The following DENR variants were observed in gnomAD, a reference collection of about 807,000 sequenced individuals.
The protein encoded by DENR is density-regulated protein.
In DENR, 6 loss-of-function variants were observed where a neutral mutation model predicts 30.6. The observed-to-expected ratio is 0.20, with a 90% CI of 0.11 to 0.39. DENR has a LOEUF of 0.39. DENR is among the 10% of genes least tolerant of loss of function. DENR has a pLI of 1.00. For missense variants in DENR, 141 were observed against 230.9 expected, an observed-to-expected ratio of 0.61 and a Z score of 2.52; for synonymous variants, 78 against 72.1, an observed-to-expected ratio of 1.08 and a Z score of -0.41.
At chr12:122,759,854 T>TTTGA (rs1320095856) in intron 2 of DENR, among the ~76,000 whole-genome samples, 1 of 152,188 alleles carries the variant, frequency 6.6e-6, no homozygotes, top group Non-Finnish European at 1.5e-5. Context: ...ATGCCTAGTA[T>TTTGA]TTGAACTTGA....
chr12:122,762,100 C>A, intron 2 of DENR, 87 bp from the exon 3 acceptor site: 1 of 874,462 alleles, frequency 1.1e-6, no homozygotes, highest in Non-Finnish European at 1.7e-6. Context: ...GAAGCATTTT[C>A]TCAAATATAA....
At chr12:122,756,578 AGGAAAGGTT>A in intron 2 of DENR, among the ~76,000 whole-genome samples, 1 of 152,360 alleles carries the variant, frequency 6.6e-6, no homozygotes, top group Admixed American at 6.5e-5. Context: ...GGGGATTTGA[AGGAAAGGTT>A]GCATTCAGGC....
chr12:122,757,706 C>T (rs180782297), intron 2 of DENR, among the ~76,000 whole-genome samples: 7 of 152,146 alleles, frequency 4.6e-5, no homozygotes, highest in African/African-American at 1.7e-4. Flanking sequence ...TGTGGTTGGA[C>T]CATGGGCTGG....
chr12:122,769,208 A>G lies in DENR; in HGVS notation c.*130A>G, dbSNP rs1427050989. On this transcript the variant is annotated 3_prime_UTR_variant, in exon 8 of 8. Transcript: ENST00000280557. ...TATACACATATATGTATGTATACAC[A>G]TATACACATGTATATATACATGTGT... The G allele has an allele frequency of 5.5e-6, 5 of 908,524 alleles. No individual in the cohort carries two copies. In the African/African-American group the frequency reaches 8.0e-5, roughly 14 times the overall value. The allele number at this position is 908,524 out of a possible 1,614,324, so 56.3% of individuals were successfully genotyped here.
At chr12:122,765,424 T>A in intron 5 of DENR, 37 bp downstream of exon 5, 2 of 1,484,668 alleles carry the variant, frequency 1.3e-6, no homozygotes, top group Non-Finnish European at 1.8e-6. Context: ...TGTACAGTCA[T>A]ACCGTCACTG....
intron 5 of DENR, among the ~76,000 whole-genome samples, 179 bp downstream of exon 5, chr12:122,765,566 A>G (rs987328228): frequency 1.3e-5 from 2 of 152,156 alleles, no homozygotes; most frequent in Non-Finnish European, 2.9e-5. Flanking sequence ...GTAGTATGCA[A>G]TGATCGTTCC....
intron 6 of DENR, chr12:122,768,164 C>T (rs557670791): frequency 6.5e-6 from 1 of 152,694 alleles, no homozygotes; most frequent in African/African-American, 2.4e-5. Context: ...TTCTTTGTTC[C>T]TTCTTTACTC....
intron 5 of DENR, among the ~76,000 whole-genome samples, chr12:122,766,948 T>C (rs1878867137): frequency 6.6e-6 from 1 of 152,212 alleles, no homozygotes; most frequent in Non-Finnish European, 1.5e-5. Flanking sequence ...TACATATTCA[T>C]AAGCATCCTT....
intron 2 of DENR, among the ~76,000 whole-genome samples, chr12:122,754,856 G>A (rs191349058): frequency 3.3e-5 from 5 of 152,314 alleles, no homozygotes; most frequent in East Asian, 1.9e-4. Context: ...GTGCCTTGCT[G>A]AGAGTGTAAG....
At chr12:122,766,119 G>A (rs1159951867) in intron 5 of DENR, among the ~76,000 whole-genome samples, 1 of 151,078 alleles carries the variant, frequency 6.6e-6, no homozygotes, top group Non-Finnish European at 1.5e-5. Context: ...CCCTTAGCCA[G>A]ATTTCTTTAC....
rs749844419 is a variant in DENR, at chr12:122,768,771, T to A, written c.413-11T>A. 10 of 1,531,712 alleles carry A rather than the reference T, an allele frequency of 6.5e-6. No homozygotes were observed. The East Asian group carries it at 7.3e-5, about 11-fold the overall frequency. The allele number at this position is 1,531,712 out of a possible 1,614,324, so 94.9% of individuals were successfully genotyped here. A position where few individuals can be genotyped will look rare whatever the true frequency, so the allele number is the denominator to read the frequency against. ...TTACAGTTCTTGCTCTTTCTTTTTT[T>A]AAAAAAATAGAAATTGATCTTAAAG... On this transcript the variant is annotated splice_polypyrimidine_tract_variant and intron_variant, in intron 6 of 7. Transcript: ENST00000280557.
intron 2 of DENR, among the ~76,000 whole-genome samples, chr12:122,761,488 T>G (rs1458159601): frequency 6.6e-6 from 1 of 151,946 alleles, no homozygotes; most frequent in Non-Finnish European, 1.5e-5. Flanking sequence ...TGTGTCAGTA[T>G]GAATAAAAAG....
rs1480652748 is a variant in DENR, at chr12:122,765,279, T to C, written c.212-25T>C. The stretch of plus-strand genomic sequence containing the variant: ...TAACAGTGTGAGATGATGTTCATGC[T>C]TTTGTATTTCACTTTTATATCTAGA... On this transcript the variant is annotated intron_variant, in intron 4 of 7. Transcript: ENST00000280557. 7.2e-6 allele frequency: 11 copies of C among 1,536,222 alleles called. No homozygotes were observed. The South Asian group carries it at 1.3e-4, about 18-fold the overall frequency.
intron 2 of DENR, among the ~76,000 whole-genome samples, chr12:122,760,715 AGC>A (rs2135509925): frequency 1.3e-5 from 2 of 152,302 alleles, no homozygotes; most frequent in Non-Finnish European, 2.9e-5. Flanking sequence ...TGGGTGAAAG[AGC>A]AAGACTCCGT....
chr12:122,763,135 C>A, intron 4 of DENR: 1 of 450,750 alleles, frequency 2.2e-6, no homozygotes. Context: ...GGCGCAGTGG[C>A]TCACACCTAT....
Position 122,769,488 on chromosome 12 carries a change from C to T in DENR, c.*410C>T. On this transcript the variant is annotated 3_prime_UTR_variant, in exon 8 of 8. Coordinates refer to ENST00000280557, the MANE Select transcript of DENR (RefSeq NM_003677.5). ...AATAAAAAATTTTGGTCATTTGGTA[C>T]TGACTTTCTCTCTCTCTCTCTCTCT... 1 of 982,208 alleles carries T rather than the reference C, an allele frequency of 1.0e-6. No individual in the cohort carries two copies. Among genetic ancestry groups the T allele is most frequent in the Non-Finnish European group, 1.2e-6 (1 of 829,122 alleles). 60.8% of individuals were successfully genotyped at this position (982,208 alleles called of 1,614,324 possible).
intron 4 of DENR, 23 bp from the exon 5 acceptor site, chr12:122,765,281 T>C (rs1192684209): frequency 6.5e-7 from 1 of 1,539,486 alleles, no homozygotes; most frequent in South Asian, 1.2e-5. Flanking sequence ...GTTCATGCTT[T>C]TGTATTTCAC....
At chr12:122,763,568 G>A (rs1878764167) in intron 4 of DENR, among the ~76,000 whole-genome samples, 1 of 152,110 alleles carries the variant, frequency 6.6e-6, no homozygotes, top group South Asian at 2.1e-4. Flanking sequence ...GGGCGTGGTG[G>A]CGCATGCCTG....
At chr12:122,758,808 A>G (rs1345186644) in intron 2 of DENR, among the ~76,000 whole-genome samples, 2 of 150,510 alleles carry the variant, frequency 1.3e-5, no homozygotes, top group Non-Finnish European at 3.0e-5. Context: ...TCTCTTTAAC[A>G]AAAAAAAAGA....
Sources: allele counts gnomAD v4.1 joint callset (sites outside exome capture counted in the v4.1 genomes callset), GRCh38; gene constraint gnomAD v4.1.1; transcripts MANE v1.5; gene names NCBI Gene and HGNC (gene_info 2026-07-23, HGNC 2026-07-21).